RILPL1: variants seen among roughly 807,000 people sequenced by gnomAD.
RILPL1 encodes Rab interacting lysosomal protein like 1, also known as RILP-like protein 1.
A neutral mutation model predicts 50.3 loss-of-function variants in RILPL1; 33 were observed. That is an observed-to-expected ratio of 0.66 (90% CI 0.50 to 0.88). The LOEUF (loss-of-function observed/expected upper bound fraction) is 0.88, where lower values mean the gene tolerates loss of function less well. RILPL1 is among the 40% of genes least tolerant of loss of function. RILPL1 has a pLI of 0.00. For synonymous variants in RILPL1, 205 were observed against 228.6 expected (o/e 0.90, Z 0.93); for missense variants, 418 against 542.5 (o/e 0.77, Z 2.28).
intron 6 of RILPL1, among the ~76,000 whole-genome samples, chr12:123,478,814 G>C (rs540429196): frequency 6.6e-6 from 1 of 152,334 alleles, no homozygotes; most frequent in African/African-American, 2.4e-5. Flanking sequence ...CTGAGAGACA[G>C]GGACCACGCA....
chr12:123,492,811 C>T (rs952014349), intron 4 of RILPL1, among the ~76,000 whole-genome samples: 1 of 151,920 alleles, frequency 6.6e-6, no homozygotes, highest in Admixed American at 6.6e-5. Flanking sequence ...TGTGTCCACT[C>T]AGGGTTAAAT....
intron 4 of RILPL1, among the ~76,000 whole-genome samples, chr12:123,490,881 G>T (rs2139326408): frequency 6.6e-6 from 1 of 152,152 alleles, no homozygotes; most frequent in South Asian, 2.1e-4. Context: ...CTCTCAAGTA[G>T]CTGGGAGTAC....
Position 123,482,827 on chromosome 12 carries a change from T to C in RILPL1, c.1067+1353A>G, listed in dbSNP as rs555588898. ...CATGTTGCCCAGGTTGGTCTTGAAC[T>C]CCTGAGCTCAAGTGATCCTCCCACC... On this transcript the variant is annotated intron_variant, in intron 6 of 6. Transcript: ENST00000376874. 5.9e-5 allele frequency among the ~76,000 whole-genome samples: 9 copies of C among 152,158 alleles called. No individual in the cohort carries two copies. The East Asian group carries it at 1.5e-3, about 26-fold the overall frequency.
rs1252933207 is a variant in RILPL1 at position 123,498,505 on chromosome 12, A to C, written c.801+39T>G. The C allele has an allele frequency of 6.3e-7, 1 of 1,582,366 alleles. No homozygotes were observed. The highest frequency in any genetic ancestry group is 8.7e-7 in the Non-Finnish European group (1 of 1,154,622). ...CTGCCTTAAGCCAACCCCCAGACTG[A>C]CCCTCTGCTACCACCTCTGCACCCA... On this transcript the variant is annotated intron_variant, in intron 4 of 6. Coordinates refer to ENST00000376874, the MANE Select transcript of RILPL1 (RefSeq NM_178314.5). This position sits in a 1 kb window ranked among gnomAD's most constrained non-coding sequence, Gnocchi z 4.3.
intron 2 of RILPL1, among the ~76,000 whole-genome samples, chr12:123,507,146 T>C (rs1157831826): frequency 1.3e-5 from 2 of 152,182 alleles, no homozygotes; most frequent in East Asian, 1.9e-4. Context: ...CCTTACCTGC[T>C]AAAGCTCACA....
chr12:123,502,214 G>A (rs926008539), intron 2 of RILPL1, among the ~76,000 whole-genome samples: 7 of 152,216 alleles, frequency 4.6e-5, no homozygotes, highest in Non-Finnish European at 1.0e-4. Flanking sequence ...AAAATAAGGA[G>A]GGTTACATAA....
chr12:123,496,954 C>T (rs186018871), intron 4 of RILPL1, among the ~76,000 whole-genome samples: 78 of 152,376 alleles, frequency 5.1e-4, no homozygotes, highest in Non-Finnish European at 9.1e-4. Context: ...CCCCATTCCT[C>T]CCTCCCCCAG....
intron 1 of RILPL1, among the ~76,000 whole-genome samples, chr12:123,532,523 T>C (rs749625406): frequency 9.2e-5 from 14 of 152,134 alleles, no homozygotes; most frequent in Admixed American, 2.0e-4. Flanking sequence ...ATCTGTAAAA[T>C]GAAGATAGTC....
At chr12:123,520,649 C>T (rs1044608963) in intron 2 of RILPL1, among the ~76,000 whole-genome samples, 2 of 152,216 alleles carry the variant, frequency 1.3e-5, no homozygotes, top group Admixed American at 1.3e-4. Flanking sequence ...CCTCCAGGCC[C>T]AGGCTTACTT....
At position 123,472,617 on chromosome 12, in the gene RILPL1, T is replaced by G. The variant is rs558610701; in HGVS notation, c.1133A>C (p.Glu378Ala). ...GGTGTTTGCCCACTGTCCAAAGGAC[T>G]CCTGGATGTGCACGTTTCTCTGTGT... The part of the protein sequence containing the change: ...ANTQRNVHIQ[E>A]SFGQWANTHR... Residue 378 changes from glutamate (E) to alanine (A), a missense_variant, in exon 7 of 7, where the codon GAG (glutamate) becomes GCG (alanine). Coordinates refer to ENST00000376874, the MANE Select transcript of RILPL1 (RefSeq NM_178314.5). 53 of 1,586,692 alleles carry G rather than the reference T, an allele frequency of 3.3e-5. No homozygotes were observed. The East Asian group carries it at 1.2e-3, about 35-fold the overall frequency.
intron 2 of RILPL1, among the ~76,000 whole-genome samples, chr12:123,508,547 A>AG: frequency 6.6e-6 from 1 of 152,352 alleles, no homozygotes; most frequent in Non-Finnish European, 1.5e-5. Flanking sequence ...TGGAGACAAA[A>AG]GGTCAGAGTC....
chr12:123,472,542 A>G lies in RILPL1; in HGVS notation c.1208T>C (p.Leu403Pro). The G allele has an allele frequency of 6.4e-7, 1 of 1,551,272 alleles. No individual in the cohort carries two copies. The highest frequency in any genetic ancestry group is 8.7e-7 in the Non-Finnish European group (1 of 1,147,086). The change falls in exon 7 of 7, where the codon CTG becomes CCG. Residue 403 changes from leucine to proline, a missense_variant. Physicochemically the swap from Leu to Pro is moderately conservative, Grantham distance 98. Coordinates refer to ENST00000376874, the MANE Select transcript of RILPL1 (RefSeq NM_178314.5). The stretch of plus-strand genomic sequence containing the variant: ...GAGGGTGGAGATGGGCCAAGGTCAC[A>G]GATGCTGCAGGGCTTCCTGTCCTTG... ...TEQGQEALQH[L>P]
chr12:123,509,416 AG>A lies in RILPL1; in HGVS notation c.461-9881del, dbSNP rs1883950165. Among the ~76,000 whole-genome samples, 2 of 151,902 alleles carry A rather than the reference AG, an allele frequency of 1.3e-5. 1 individual carries two copies. The highest frequency in any genetic ancestry group is 2.9e-5 in the Non-Finnish European group (2 of 67,984). On this transcript the variant is annotated intron_variant, in intron 2 of 6. Transcript: ENST00000376874. ...CCATCTCTACTAAAAATACAAAATT[AG>A]CCAGGCATGGTGGCGCATGCCTGTA...
chr12:123,488,161 C>T (rs1213428249), intron 4 of RILPL1, among the ~76,000 whole-genome samples: 2 of 151,952 alleles, frequency 1.3e-5, no homozygotes, highest in Non-Finnish European at 2.9e-5. Context: ...TCCATAGGCC[C>T]GGCACCGTGG....
In RILPL1 at chr12:123,475,707, T is replaced by C. The variant is rs778927230; in HGVS notation, c.1068-3025A>G. On this transcript the variant is annotated intron_variant, in intron 6 of 6. Coordinates refer to ENST00000376874, the MANE Select transcript of RILPL1 (RefSeq NM_178314.5). ...ACAGGCTGCAGTGTGGGGTCATCTA[T>C]TATCAGTCCCGCTGCTACCATAGGC... 3.8e-6 allele frequency: 6 copies of C among 1,594,486 alleles called. No homozygotes were observed. The South Asian group carries it at 6.7e-5, about 18-fold the overall frequency.
Position 123,533,567 on chromosome 12 carries a change from C to T in RILPL1, c.-85G>A, listed in dbSNP as rs1269769800. On this transcript the variant is annotated 5_prime_UTR_variant, in exon 1 of 7. Transcript: ENST00000376874. This position sits in a 1 kb window ranked among gnomAD's most constrained non-coding sequence, Gnocchi z 6.2. ...TGTCGAGGGCCGGGCCGGCCGGGCC[C>T]AGCCTGGGCCGCGGGCGGGCGCGCT... is the stretch of plus-strand genomic sequence containing the variant. The T allele has an allele frequency of 8.7e-7, 1 of 1,153,424 alleles. No homozygotes were observed. 71.4% of individuals were successfully genotyped at this position (1,153,424 alleles called of 1,614,324 possible).
intron 2 of RILPL1, among the ~76,000 whole-genome samples, chr12:123,502,296 G>T (rs1275023573): frequency 7.9e-5 from 12 of 152,338 alleles, no homozygotes; most frequent in African/African-American, 2.6e-4. Context: ...TCTGAGGCTG[G>T]ACCGGCCACT....
intron 2 of RILPL1, among the ~76,000 whole-genome samples, chr12:123,519,056 C>CAAAAA (rs71652717): frequency 2.6e-4 from 15 of 58,362 alleles, no homozygotes; most frequent in East Asian, 2.0e-3. Flanking sequence ...GACTCCATCT[C>CAAAAA]AAAAAAAAAA....
At chr12:123,521,632 CACATAT>C (rs1566144312) in intron 2 of RILPL1, among the ~76,000 whole-genome samples, 1 of 16,226 alleles carries the variant, frequency 6.2e-5, no homozygotes, top group Non-Finnish European at 1.7e-4. Context: ...TATATATACA[CACATAT>C]GTGTATATAT....
Sources: gnomAD v4.1 joint callset for allele counts (sites outside exome capture counted in the v4.1 genomes callset) on GRCh38, gnomAD v4.1.1 for gene constraint, Gnocchi (gnomAD v3.1) non-coding constraint, MANE v1.5 for transcripts, NCBI Gene and HGNC (gene_info 2026-07-23, HGNC 2026-07-21) for gene names.